The following KIF1B variants were observed in gnomAD, a reference collection of about 807,000 sequenced individuals.
The protein encoded by KIF1B is kinesin family member 1B.
A neutral mutation model predicts 241.9 loss-of-function variants in KIF1B; 76 were observed. The ratio of observed to expected loss-of-function variants is 0.31; its 90% CI spans 0.26 to 0.38. The LOEUF (loss-of-function observed/expected upper bound fraction) is 0.38. KIF1B is among the 10% of genes least tolerant of loss of function. The pLI is 1.00. For missense variants in KIF1B, 1,622 were observed against 2,271.4 expected, an observed-to-expected ratio of 0.71 and a Z score of 5.81; for synonymous variants, 750 against 796.7, an observed-to-expected ratio of 0.94 and a Z score of 0.99.
chr1:10,308,358 G>A, intron 22 of KIF1B: 1 of 1,052,208 alleles, frequency 9.5e-7, no homozygotes, highest in East Asian at 5.4e-5. Context: ...GATATTCTTA[G>A]CTTGAACCAC....
intron 1 of KIF1B, among the ~76,000 whole-genome samples, chr1:10,212,894 A>G (rs1312149435): frequency 0.088 from 2,198 of 24,916 alleles, 26 homozygotes; most frequent in Non-Finnish European, 0.11. Context: ...GTGTGTGTAT[A>G]TATATATATA....
At chr1:10,333,630 T>TG (rs1296795959) in intron 27 of KIF1B, among the ~76,000 whole-genome samples, 4 of 151,894 alleles carry the variant, frequency 2.6e-5, no homozygotes, top group African/African-American at 2.4e-5. Flanking sequence ...AGGCAGAGCT[T>TG]GCAGTGAGCC....
chr1:10,357,848 A>G (rs1198040357), intron 38 of KIF1B, among the ~76,000 whole-genome samples: 1 of 151,890 alleles, frequency 6.6e-6, no homozygotes, highest in African/African-American at 2.4e-5. Context: ...ATCTCTACTA[A>G]AAATAAAAAA....
At chr1:10,362,907 C>CA (rs1239579038) in intron 40 of KIF1B, among the ~76,000 whole-genome samples, 2 of 151,878 alleles carry the variant, frequency 1.3e-5, no homozygotes, top group Non-Finnish European at 2.9e-5. Flanking sequence ...CCTATCTCTA[C>CA]AAAAAAACTT....
chr1:10,297,343 T>C, intron 22 of KIF1B, 97 bp downstream of exon 22: 1 of 1,004,000 alleles, frequency 1.0e-6, no homozygotes, highest in Non-Finnish European at 1.6e-6. Context: ...ATTGCTTCTG[T>C]CTCAATGATA....
intron 24 of KIF1B, among the ~76,000 whole-genome samples, chr1:10,322,719 T>C (rs1651572002): frequency 6.6e-6 from 1 of 152,182 alleles, no homozygotes; most frequent in Non-Finnish European, 1.5e-5. Flanking sequence ...GCCTTTCTCA[T>C]TTTATAATTA....
At chr1:10,214,122 A>G (rs543636552) in intron 1 of KIF1B, among the ~76,000 whole-genome samples, 1 of 152,228 alleles carries the variant, frequency 6.6e-6, no homozygotes, top group East Asian at 1.9e-4. Flanking sequence ...TTTGCCTGCT[A>G]AAAATAAAAA....
In KIF1B at chr1:10,321,765, T is replaced by C. The variant is rs781471309; in HGVS notation, c.2266T>C (p.Ser756Pro). 6.2e-7 allele frequency: 1 copy of C among 1,614,128 alleles called. No homozygotes were observed. Among genetic ancestry groups the C allele is most frequent in the Non-Finnish European group, 8.5e-7 (1 of 1,179,960 alleles). ...LAQWAFRKWKSHQFTSLRDLL... is the reference protein window; with the variant it reads ...LAQWAFRKWKPHQFTSLRDLL... ...CCAATGGGCCTTCCGGAAATGGAAGTCTCATCAGTTTACTTCATTACGGGA... is the reference window on the plus strand; with the variant it reads ...CCAATGGGCCTTCCGGAAATGGAAGCCTCATCAGTTTACTTCATTACGGGA... Residue 756 changes from serine to proline, a missense_variant, in exon 24 of 49, where the codon TCT (serine) becomes CCT (proline). Ser to Pro is a moderately conservative substitution (Grantham distance 74, BLOSUM62 -1). Coordinates refer to ENST00000676179, the MANE Select transcript of KIF1B (RefSeq NM_001365951.3).
intron 24 of KIF1B, among the ~76,000 whole-genome samples, chr1:10,322,106 A>G (rs1651546994): frequency 6.6e-6 from 1 of 152,254 alleles, no homozygotes; most frequent in African/African-American, 2.4e-5. Context: ...TATTCCTACA[A>G]AAACTGGAGA....
chr1:10,246,870 A>AT (rs1437371699), intron 2 of KIF1B, among the ~76,000 whole-genome samples: 8 of 151,810 alleles, frequency 5.3e-5, no homozygotes, highest in Non-Finnish European at 8.8e-5. Flanking sequence ...GTAATTTTAA[A>AT]TTTTTTTTGT....
At chr1:10,320,974 T>C (rs1439906669) in intron 23 of KIF1B, among the ~76,000 whole-genome samples, 2 of 151,870 alleles carry the variant, frequency 1.3e-5, no homozygotes, top group Non-Finnish European at 2.9e-5. Context: ...GTAATGGGAT[T>C]ACAGGCATGA....
intron 40 of KIF1B, among the ~76,000 whole-genome samples, chr1:10,362,036 A>G (rs776545197): frequency 6.6e-6 from 1 of 152,250 alleles, no homozygotes; most frequent in Non-Finnish European, 1.5e-5. Context: ...GGAATATTAC[A>G]TTGTGAACAC....
intron 45 of KIF1B, among the ~76,000 whole-genome samples, chr1:10,372,434 G>A (rs893646595): frequency 5.9e-5 from 9 of 151,736 alleles, no homozygotes; most frequent in Non-Finnish European, 1.2e-4. Context: ...TACTCAGGAG[G>A]CTCACATGGG....
At chr1:10,330,513 G>A (rs116058542) in intron 27 of KIF1B, among the ~76,000 whole-genome samples, 1,497 of 133,642 alleles carry the variant, frequency 0.011, 19 homozygotes, top group African/African-American at 0.038. Flanking sequence ...TTTTTGAATA[G>A]CTATTTTTAA....
At chr1:10,334,674 T>G in intron 28 of KIF1B, 36 bp downstream of exon 28, 1 of 1,507,104 alleles carries the variant, frequency 6.6e-7, no homozygotes, top group Non-Finnish European at 9.2e-7. Context: ...AGCTGTGAGT[T>G]CTTTGTCTAG....
chr1:10,295,299 GCT>G, intron 18 of KIF1B, 134 bp downstream of exon 18: 1 of 697,506 alleles, frequency 1.4e-6, no homozygotes, highest in South Asian at 1.6e-5. Flanking sequence ...TACAAACTAT[GCT>G]CTCTTTCCAA....
chr1:10,326,619 A>G lies in KIF1B; in HGVS notation c.2924+260A>G, dbSNP rs527374869. Among the ~76,000 whole-genome samples, 14 of 152,354 alleles carry G rather than the reference A, an allele frequency of 9.2e-5. No homozygotes were observed. The highest frequency in any genetic ancestry group is 3.4e-3 in the Middle Eastern group (1 of 294). On this transcript the variant is annotated intron_variant, in intron 27 of 48. Coordinates refer to ENST00000676179, the MANE Select transcript of KIF1B (RefSeq NM_001365951.3). This position sits in a 1 kb window ranked among gnomAD's most constrained non-coding sequence, Gnocchi z 5.2. ...CTGCATGGAAGACACCTTGTCTTAA[A>G]TTGCCCAGTAATTTTGTTCTGAAGA...
intron 16 of KIF1B, 97 bp downstream of exon 16, chr1:10,291,258 G>C (rs1450967844): frequency 1.1e-6 from 1 of 918,238 alleles, no homozygotes; most frequent in Non-Finnish European, 1.7e-6. Flanking sequence ...AAATCAAAGA[G>C]TCTGCCCTTC....
chr1:10,222,526 A>G (rs1646858666), intron 1 of KIF1B, among the ~76,000 whole-genome samples: 1 of 152,204 alleles, frequency 6.6e-6, no homozygotes, highest in African/African-American at 2.4e-5. Flanking sequence ...GAATGCTACA[A>G]ACACAAACCA....
Sources: allele counts gnomAD v4.1 joint callset (sites outside exome capture counted in the v4.1 genomes callset), GRCh38; gene constraint gnomAD v4.1.1; non-coding constraint Gnocchi (gnomAD v3.1); transcripts MANE v1.5; gene names NCBI Gene and HGNC (gene_info 2026-07-23, HGNC 2026-07-21).